The following MAD1L1 variants were observed in gnomAD, a reference collection of about 807,000 sequenced individuals.
MAD1L1 encodes the protein mitotic spindle assembly checkpoint protein MAD1.
A neutral mutation model predicts 96.9 loss-of-function variants in MAD1L1; 95 were observed. The ratio of observed to expected loss-of-function variants is 0.98; its 90% CI spans 0.83 to 1.16. MAD1L1 has a LOEUF of 1.16. Among genes scored for constraint, MAD1L1 ranks in the 50% most tolerant of loss-of-function variants. The pLI, the probability that MAD1L1 is intolerant of heterozygous loss-of-function variation, is 0.00. For missense variants in MAD1L1, 1,007 were observed against 954.4 expected (o/e 1.06, Z -0.73); for synonymous variants, 473 against 396.6 (o/e 1.19, Z -2.29).
At chr7:1,937,016 G>A in intron 16 of MAD1L1, 119 bp from the exon 17 acceptor site, 1 of 771,058 alleles carries the variant, frequency 1.3e-6, no homozygotes, top group Non-Finnish European at 2.1e-6. Context: ...ACACAGCACA[G>A]TGCTCAGTTC....
intron 18 of MAD1L1, among the ~76,000 whole-genome samples, chr7:1,868,879 T>G (rs1411809262): frequency 2.0e-5 from 3 of 152,134 alleles, no homozygotes; most frequent in African/African-American, 7.2e-5. Flanking sequence ...ACCCTCTGCA[T>G]GGAGAACCTG....
At chr7:2,218,186 C>T (rs1793396310) in intron 6 of MAD1L1, 143 bp from the exon 7 acceptor site, 6 of 640,774 alleles carry the variant, frequency 9.4e-6, no homozygotes, top group Non-Finnish European at 1.1e-5. Context: ...GCACAGACCC[C>T]CCGCCCCCCG....
intron 18 of MAD1L1, among the ~76,000 whole-genome samples, chr7:1,875,003 C>A (rs1293727759): frequency 6.6e-6 from 1 of 152,182 alleles, no homozygotes; most frequent in East Asian, 1.9e-4. Context: ...GAGCCAAGGG[C>A]CTCCTTCCCC....
intron 11 of MAD1L1, among the ~76,000 whole-genome samples, chr7:2,139,372 G>A (rs17132240): frequency 0.049 from 7,388 of 151,598 alleles, 621 homozygotes; most frequent in African/African-American, 0.17. Flanking sequence ...AGGCGGGAGC[G>A]CTGCGGGCCC....
At chr7:1,979,677 T>A (rs1321131704) in intron 15 of MAD1L1, among the ~76,000 whole-genome samples, 4 of 152,076 alleles carry the variant, frequency 2.6e-5, no homozygotes. Flanking sequence ...GGAGCTGGGG[T>A]GAGGGTGGCC....
At chr7:1,886,990 G>C (rs550041328) in intron 18 of MAD1L1, among the ~76,000 whole-genome samples, 1 of 152,276 alleles carries the variant, frequency 6.6e-6, no homozygotes, top group Non-Finnish European at 1.5e-5. Flanking sequence ...GTCAGTGACC[G>C]CATGGCAGCG....
chr7:1,924,145 TAA>T (rs1207659023), intron 17 of MAD1L1, among the ~76,000 whole-genome samples: 1 of 152,252 alleles, frequency 6.6e-6, no homozygotes, highest in East Asian at 1.9e-4. Flanking sequence ...AGTGAGATTT[TAA>T]AGACGCTCCA....
At chr7:2,095,806 G>A (rs182442524) in intron 11 of MAD1L1, among the ~76,000 whole-genome samples, 47 of 152,326 alleles carry the variant, frequency 3.1e-4, no homozygotes, top group African/African-American at 9.9e-4. Flanking sequence ...GGTGCAGGCC[G>A]GACACCCCAG....
intron 17 of MAD1L1, among the ~76,000 whole-genome samples, chr7:1,901,695 C>G (rs898773424): frequency 6.6e-6 from 1 of 152,206 alleles, no homozygotes; most frequent in South Asian, 2.1e-4. Flanking sequence ...GGCTTTTAGG[C>G]CCTCTCCGCT....
chr7:1,925,148 G>A (rs563629484), intron 17 of MAD1L1, among the ~76,000 whole-genome samples: 12 of 151,972 alleles, frequency 7.9e-5, no homozygotes, highest in Admixed American at 4.6e-4. Flanking sequence ...TCTATTAATC[G>A]GCAGAACACA....
At chr7:1,969,095 G>T (rs111245369) in intron 15 of MAD1L1, among the ~76,000 whole-genome samples, 1 of 152,064 alleles carries the variant, frequency 6.6e-6, no homozygotes, top group Admixed American at 6.5e-5. Flanking sequence ...TCAAAAAATC[G>T]ACTGTTGGCC....
intron 14 of MAD1L1, chr7:1,980,788 G>A (rs73049803): frequency 0.043 from 26,076 of 609,390 alleles, 1,007 homozygotes; most frequent in Admixed American, 0.13. Context: ...ACAGGCTCAC[G>A]GTGAGGTGTG....
At chr7:1,847,127 A>G (rs538867286) in intron 18 of MAD1L1, 57 of 367,652 alleles carry the variant, frequency 1.6e-4, no homozygotes, top group African/African-American at 1.2e-3. Context: ...TTTGGAAATG[A>G]TGTTTTAAAG....
chr7:2,108,932 C>G (rs866707339), intron 11 of MAD1L1, among the ~76,000 whole-genome samples: 6 of 152,268 alleles, frequency 3.9e-5, no homozygotes, highest in Admixed American at 6.5e-5. Context: ...AGTGCAGGGC[C>G]CCCGCGAGGG....
chr7:2,021,256 C>T (rs903295200), intron 12 of MAD1L1, among the ~76,000 whole-genome samples: 1 of 152,208 alleles, frequency 6.6e-6, no homozygotes, highest in African/African-American at 2.4e-5. Flanking sequence ...AAACTCCACA[C>T]TTAGCCATAT....
intron 18 of MAD1L1, chr7:1,854,305 G>T: frequency 6.7e-6 from 3 of 448,082 alleles, no homozygotes; most frequent in South Asian, 4.8e-5. Flanking sequence ...CCCCAGCAGC[G>T]AGCGGACGTC....
Position 1,817,936 on chromosome 7 carries a change from G to A in MAD1L1, c.1999-1708C>T, listed in dbSNP as rs573051306. 5.9e-4 allele frequency among the ~76,000 whole-genome samples: 89 copies of A among 151,980 alleles called. 1 individual carries two copies. The highest frequency in any genetic ancestry group is 1.3e-3 in the African/African-American group (56 of 41,500). On this transcript the variant is annotated intron_variant, in intron 18 of 18. Transcript: ENST00000265854. ...TGCTGCCCCAGAGGCCCTGCGACCT[G>A]ACCTGTTCCTGCACCTCCTGTTTCT... is the stretch of plus-strand genomic sequence containing the variant.
intron 12 of MAD1L1, among the ~76,000 whole-genome samples, chr7:2,056,213 G>A (rs1381723776): frequency 6.6e-6 from 1 of 152,216 alleles, no homozygotes; most frequent in Non-Finnish European, 1.5e-5. Context: ...GGTACTGGGT[G>A]TTATAAATAC....
At chr7:1,922,030 G>T (rs1489471226) in intron 17 of MAD1L1, among the ~76,000 whole-genome samples, 2 of 152,224 alleles carry the variant, frequency 1.3e-5, no homozygotes, top group East Asian at 3.8e-4. Context: ...TCAGGTTCTG[G>T]GAAAGATGAA....
Sources: gnomAD v4.1 joint callset for allele counts (sites outside exome capture counted in the v4.1 genomes callset) on GRCh38, gnomAD v4.1.1 for gene constraint, MANE v1.5 for transcripts, NCBI Gene and HGNC (gene_info 2026-07-23, HGNC 2026-07-21) for gene names.